The following ZHX3 variants were observed in gnomAD, a reference collection of about 807,000 sequenced individuals.
ZHX3 encodes zinc fingers and homeoboxes protein 3.
Under a neutral mutation model 64.5 loss-of-function variants are expected in ZHX3, and 20 were observed. That is an observed-to-expected ratio of 0.31 (90% confidence interval 0.22 to 0.45). The LOEUF is 0.45. Ranked by LOEUF, ZHX3 falls within the 20% of genes least tolerant of loss-of-function variation. ZHX3 has a pLI of 1.00. For missense variants in ZHX3, 1,041 were observed against 1,195.8 expected (o/e 0.87, Z 1.91); for synonymous variants, 423 against 461.6 (o/e 0.92, Z 1.07).
intron 2 of ZHX3, among the ~76,000 whole-genome samples, chr20:41,264,965 G>A (rs771593851): frequency 6.6e-6 from 1 of 151,970 alleles, no homozygotes; most frequent in Admixed American, 6.6e-5. Context: ...TGAACCAAAT[G>A]TCAATTATAC....
chr20:41,242,951 C>A (rs1005002419), intron 2 of ZHX3, among the ~76,000 whole-genome samples: 1 of 152,162 alleles, frequency 6.6e-6, no homozygotes, highest in Non-Finnish European at 1.5e-5. Context: ...AAATGTAATA[C>A]CACTTCCTCT....
intron 1 of ZHX3, among the ~76,000 whole-genome samples, chr20:41,274,161 C>T (rs751812136): frequency 5.3e-5 from 8 of 152,040 alleles, no homozygotes; most frequent in South Asian, 2.1e-4. Flanking sequence ...AATTATGTAA[C>T]GTCTGTTTTG....
chr20:41,202,993 G>A lies in ZHX3; in HGVS notation c.1924C>T (p.Leu642=). The A allele has an allele frequency of 1.9e-6, 3 of 1,614,138 alleles. No homozygotes were observed. Among genetic ancestry groups the A allele is most frequent in the Non-Finnish European group, 1.7e-6 (2 of 1,180,034 alleles). ...TTGGTTTCACTTCTCAGGCGGTCCA[G>A]TTCCTCATCAAGAGGAAGAGGGTTT... is the stretch of plus-strand genomic sequence containing the variant. ...AQNPLPLDEE[L]DRLRSETKMT... Residue 642 remains leucine, a synonymous_variant, in exon 3 of 4, where the codon CTG becomes TTG. Transcript: ENST00000683867. This position sits in a 1 kb window ranked among gnomAD's most constrained non-coding sequence, Gnocchi z 7.0.
Position 41,203,757 on chromosome 20 carries a change from G to A in ZHX3, c.1160C>T (p.Thr387Ile), listed in dbSNP as rs775915615. ...NTVIQSVPQP[T>I]ITVLNTPLVA... ...GAGTGGGGTATTTAGAACCGTAATT[G>A]TGGGCTGAGGCACAGACTGGATGAC... The change falls in exon 3 of 4, where the codon ACA becomes ATA. Residue 387 changes from threonine to isoleucine, a missense_variant. Around this residue, in one of 4 missense-constraint regions of ZHX3, gnomAD observed 649 missense variants for 739.8 expected, o/e 0.88. Coordinates refer to ENST00000683867, the MANE Select transcript of ZHX3 (RefSeq NM_001384317.1). This position sits in a 1 kb window ranked among gnomAD's most constrained non-coding sequence, Gnocchi z 7.1. The A allele has an allele frequency of 6.2e-7, 1 of 1,614,228 alleles. No individual in the cohort carries two copies. The highest frequency in any genetic ancestry group is 1.1e-5 in the South Asian group (1 of 91,080).
intron 1 of ZHX3, among the ~76,000 whole-genome samples, chr20:41,307,633 T>C (rs987803902): frequency 1.3e-5 from 2 of 152,216 alleles, no homozygotes; most frequent in African/African-American, 2.4e-5. Context: ...TGAAGGCTAA[T>C]TCATTAAGCA....
intron 3 of ZHX3, among the ~76,000 whole-genome samples, chr20:41,191,540 G>A (rs1320850547): frequency 1.3e-5 from 2 of 152,068 alleles, no homozygotes; most frequent in East Asian, 3.9e-4. Context: ...GAAATTTATT[G>A]TGTTCCTTCT....
At chr20:41,199,265 C>T (rs1389307750) in intron 3 of ZHX3, among the ~76,000 whole-genome samples, 1 of 151,854 alleles carries the variant, frequency 6.6e-6, no homozygotes, top group African/African-American at 2.4e-5. Flanking sequence ...AATTTTTTTT[C>T]CTGTGAATGG....
intron 1 of ZHX3, among the ~76,000 whole-genome samples, chr20:41,295,462 A>G (rs1460601603): frequency 6.6e-6 from 1 of 152,212 alleles, no homozygotes; most frequent in Non-Finnish European, 1.5e-5. Flanking sequence ...CATGTGATCA[A>G]AAAGTAGGAA....
chr20:41,294,265 TAAC>T (rs1228253187), intron 1 of ZHX3, among the ~76,000 whole-genome samples: 1 of 152,206 alleles, frequency 6.6e-6, no homozygotes, highest in African/African-American at 2.4e-5. Flanking sequence ...TTTTAAAACT[TAAC>T]AATTTAGAAT....
intron 1 of ZHX3, among the ~76,000 whole-genome samples, chr20:41,276,464 G>T (rs76530275): frequency 0.071 from 10,808 of 152,092 alleles, 413 homozygotes; most frequent in Middle Eastern, 0.17. Flanking sequence ...ATAACCTCTC[G>T]GTCTCAAAAC....
At chr20:41,207,191 A>G (rs2038785454) in intron 2 of ZHX3, among the ~76,000 whole-genome samples, 1 of 152,238 alleles carries the variant, frequency 6.6e-6, no homozygotes. Context: ...AGCCACTGCA[A>G]AAAACATGCC....
At chr20:41,208,045 T>G (rs1243752834) in intron 2 of ZHX3, among the ~76,000 whole-genome samples, 1 of 152,094 alleles carries the variant, frequency 6.6e-6, no homozygotes, top group Non-Finnish European at 1.5e-5. Flanking sequence ...AAACTACCAT[T>G]AGAGAATACT....
intron 1 of ZHX3, among the ~76,000 whole-genome samples, chr20:41,313,968 T>A (rs776395794): frequency 6.6e-6 from 1 of 152,226 alleles, no homozygotes; most frequent in African/African-American, 2.4e-5. Flanking sequence ...CAACTTCTTG[T>A]ATATTTGGAG....
At chr20:41,230,566 C>T (rs2146381239) in intron 2 of ZHX3, among the ~76,000 whole-genome samples, 1 of 152,142 alleles carries the variant, frequency 6.6e-6, no homozygotes, top group African/African-American at 2.4e-5. Context: ...AAAATACAGA[C>T]CAGATTTCAA....
intron 1 of ZHX3, among the ~76,000 whole-genome samples, chr20:41,284,642 T>C (rs555839763): frequency 3.3e-5 from 5 of 152,348 alleles, no homozygotes. Context: ...TGAAGCTCTC[T>C]GCAATCATTT....
At chr20:41,288,843 G>C (rs866929095) in intron 1 of ZHX3, among the ~76,000 whole-genome samples, 1 of 152,090 alleles carries the variant, frequency 6.6e-6, no homozygotes, top group Non-Finnish European at 1.5e-5. Context: ...AAGTGACTTT[G>C]AATTTCAGGA....
chr20:41,196,444 TA>T (rs1392073620), intron 3 of ZHX3, among the ~76,000 whole-genome samples: 2 of 62,196 alleles, frequency 3.2e-5, no homozygotes, highest in African/African-American at 6.6e-5. Flanking sequence ...ATATATATAT[TA>T]TATATAATAT....
intron 2 of ZHX3, among the ~76,000 whole-genome samples, chr20:41,262,364 TC>T (rs2042605917): frequency 6.6e-6 from 1 of 152,104 alleles, no homozygotes; most frequent in Admixed American, 6.5e-5. Context: ...GGCCCCAACA[TC>T]CCTTGTCCAG....
chr20:41,196,631 T>C (rs2037724736), intron 3 of ZHX3: 1 of 121,638 alleles, frequency 8.2e-6, no homozygotes, highest in Non-Finnish European at 1.6e-5. Context: ...TTGTCTCTTG[T>C]AACCTTTCTT....
Sources: gnomAD v4.1 joint callset for allele counts (sites outside exome capture counted in the v4.1 genomes callset) on GRCh38, gnomAD v4.1.1 for gene constraint, gnomAD v4.1.1 regional missense constraint, Gnocchi (gnomAD v3.1) non-coding constraint, MANE v1.5 for transcripts, NCBI Gene and HGNC (gene_info 2026-07-23, HGNC 2026-07-21) for gene names.